PTPRU: variants seen among roughly 807,000 people sequenced by gnomAD.
PTPRU encodes protein tyrosine phosphatase receptor type U.
PTPRU carries 69 observed loss-of-function variants against 166.3 expected under a neutral mutation model. That is an observed-to-expected ratio of 0.41 (90% CI 0.34 to 0.51). The LOEUF (loss-of-function observed/expected upper bound fraction) is 0.51, where lower values mean the gene tolerates loss of function less well. Ranked by LOEUF, PTPRU falls within the 20% of genes least tolerant of loss-of-function variation. The probability of loss-of-function intolerance (pLI) is 0.09; values close to 1 mark genes in which losing one functional copy is unlikely to be tolerated. For missense variants in PTPRU, 1,657 were observed against 2,013.7 expected, an observed-to-expected ratio of 0.82 and a Z score of 3.39; for synonymous variants, 793 against 814.0, an observed-to-expected ratio of 0.97 and a Z score of 0.44.
At chr1:29,286,893 C>T (rs1557451106) in intron 14 of PTPRU, among the ~76,000 whole-genome samples, 1 of 152,202 alleles carries the variant, frequency 6.6e-6, no homozygotes, top group Non-Finnish European at 1.5e-5. Context: ...CTTACTTCCT[C>T]TAAAAGCCAT....
chr1:29,305,188 G>A (rs1687329839), intron 17 of PTPRU, among the ~76,000 whole-genome samples, 164 bp from the exon 18 acceptor site: 2 of 152,272 alleles, frequency 1.3e-5, no homozygotes, highest in South Asian at 4.1e-4. Context: ...CCCCTGGTGT[G>A]TCCTGCCTCC....
chr1:29,307,897 A>G (rs1482846269), intron 18 of PTPRU, among the ~76,000 whole-genome samples: 1 of 151,670 alleles, frequency 6.6e-6, no homozygotes, highest in Non-Finnish European at 1.5e-5. Flanking sequence ...AGTAGCTGGA[A>G]TTACAGGCAT....
In PTPRU at chr1:29,284,752, G is replaced by A. The variant is rs752250395; in HGVS notation, c.2201G>A (p.Arg734Gln). 6 of 1,613,936 alleles carry A rather than the reference G, an allele frequency of 3.7e-6. No homozygotes were observed. The Admixed American group carries it at 8.3e-5, about 22-fold the overall frequency. ...ARKAACKESK[R>Q]PLEVSQRSEE... is the part of the protein sequence containing the mutation. The stretch of plus-strand genomic sequence containing the variant: ...CCAGCTGCCTGCAAGGAAAGCAAGC[G>A]GCCCCTGGAGGTGTCCCAGAGATCG... Residue 734 changes from arginine to glutamine, a missense_variant, in exon 14 of 30, where the codon CGG becomes CAG. Transcript: ENST00000373779.
intron 18 of PTPRU, among the ~76,000 whole-genome samples, chr1:29,305,981 G>A (rs564197540): frequency 6.6e-6 from 1 of 152,324 alleles, no homozygotes; most frequent in East Asian, 1.9e-4. Flanking sequence ...CCCACCCTTT[G>A]AGGCAGTTAG....
intron 7 of PTPRU, among the ~76,000 whole-genome samples, chr1:29,268,678 C>T (rs933421362): frequency 6.6e-5 from 10 of 152,212 alleles, no homozygotes; most frequent in Non-Finnish European, 1.5e-4. Context: ...TAGCGCTTAA[C>T]ACACAGTAAG....
At chr1:29,301,535 C>T (rs561780116) in intron 15 of PTPRU, among the ~76,000 whole-genome samples, 6 of 152,238 alleles carry the variant, frequency 3.9e-5, no homozygotes, top group South Asian at 2.1e-4. Context: ...GTAAAACAGC[C>T]TCTGGCAGGT....
chr1:29,260,074 G>C lies in PTPRU; in HGVS notation c.850+30G>C. ...GCTGGTGGACGCCGGGGAGCGCCGG[G>C]ACCTCACCCTCGAGGGGCGGGGCCG... On this transcript the variant is annotated intron_variant, in intron 6 of 29. Coordinates refer to ENST00000373779, the MANE Select transcript of PTPRU (RefSeq NM_133178.4). This position sits in a 1 kb window ranked among gnomAD's most constrained non-coding sequence, Gnocchi z 8.3. 4 of 1,275,462 alleles carry C rather than the reference G, an allele frequency of 3.1e-6. No individual in the cohort carries two copies. The African/African-American group carries it at 4.8e-5, about 15-fold the overall frequency. The allele number at this position is 1,275,462 out of a possible 1,614,324, so 79.0% of individuals were successfully genotyped here.
At position 29,293,041 on chromosome 1, in the gene PTPRU, G is replaced by T. The variant is rs548530703; in HGVS notation, c.2476+1015G>T. 7.9e-5 allele frequency among the ~76,000 whole-genome samples: 12 copies of T among 151,960 alleles called. No individual in the cohort carries two copies. In the East Asian group the frequency reaches 1.6e-3, roughly 20 times the overall value. ...GTTGCCCAGGCTGGAGTGCAGTGGT[G>T]TGATCTTGGCTCACTGTAACCTCTG... On this transcript the variant is annotated intron_variant, in intron 15 of 29. Coordinates refer to ENST00000373779, the MANE Select transcript of PTPRU (RefSeq NM_133178.4).
chr1:29,323,622 T>C lies in PTPRU; in HGVS notation c.3955-9T>C, dbSNP rs1688265773. ...CATGTCCTCCCTGGCTGGCTGCCCC[T>C]GTCCCCAGTTGCAGGAGGGGCACCT... On this transcript the variant is annotated splice_polypyrimidine_tract_variant and intron_variant, in intron 27 of 29. Coordinates refer to ENST00000373779, the MANE Select transcript of PTPRU (RefSeq NM_133178.4). 2.5e-6 allele frequency: 4 copies of C among 1,613,862 alleles called. No individual in the cohort carries two copies. Among genetic ancestry groups the C allele is most frequent in the African/African-American group, 1.3e-5 (1 of 75,028 alleles).
rs1411396771 is a variant in PTPRU at position 29,317,417 on chromosome 1, A to G, written c.3514-331A>G. On this transcript the variant is annotated intron_variant, in intron 24 of 29. Transcript: ENST00000373779. The surrounding 1 kb of genome is among the most constrained non-coding windows in gnomAD (Gnocchi z 5.6). ...CGAGCTCAGCCCAGTGCTTGTCATG[A>G]TCTCACTTTGGCCTCCCAGCAGCCC... 6.6e-6 allele frequency among the ~76,000 whole-genome samples: 1 copy of G among 152,026 alleles called. No homozygotes were observed. Among genetic ancestry groups the G allele is most frequent in the Non-Finnish European group, 1.5e-5 (1 of 68,006 alleles).
At chr1:29,282,623 C>T in intron 11 of PTPRU, 53 bp from the exon 12 acceptor site, 1 of 1,559,382 alleles carries the variant, frequency 6.4e-7, no homozygotes, top group Non-Finnish European at 8.7e-7. Flanking sequence ...CCAGCTGGCT[C>T]TCCCAGTCCT....
chr1:29,239,328 G>C (rs1683932189), intron 1 of PTPRU, among the ~76,000 whole-genome samples: 1 of 152,206 alleles, frequency 6.6e-6, no homozygotes, highest in South Asian at 2.1e-4. Context: ...TTATTCTGCT[G>C]TGTTCTTGCT....
chr1:29,258,257 G>A (rs1270212167), intron 2 of PTPRU, among the ~76,000 whole-genome samples: 2 of 152,202 alleles, frequency 1.3e-5, no homozygotes, highest in African/African-American at 4.8e-5. Flanking sequence ...GAGCCACCGC[G>A]CCCAGCCTTT....
rs1685006860 is a variant in PTPRU, at chr1:29,260,505, C to T, written c.851-105C>T. ...GAGGGCTTGGTAGCAGCGTGAGAGG[C>T]CCTAGGAGGACGGAGAGGGATTTGG... is the stretch of plus-strand genomic sequence containing the variant. On this transcript the variant is annotated intron_variant, in intron 6 of 29. Transcript: ENST00000373779. This position sits in a 1 kb window ranked among gnomAD's most constrained non-coding sequence, Gnocchi z 8.3. 3 of 874,474 alleles carry T rather than the reference C, an allele frequency of 3.4e-6. No individual in the cohort carries two copies. In the East Asian group the frequency reaches 9.4e-5, roughly 27 times the overall value. 54.2% of individuals were successfully genotyped at this position (874,474 alleles called of 1,614,324 possible).
At position 29,236,844 on chromosome 1, in the gene PTPRU, T is replaced by A; in HGVS notation, c.73+127T>A. On this transcript the variant is annotated intron_variant, in intron 1 of 29. Coordinates refer to ENST00000373779, the MANE Select transcript of PTPRU (RefSeq NM_133178.4). This position sits in a 1 kb window ranked among gnomAD's most constrained non-coding sequence, Gnocchi z 4.6. ...CGTGCTCCCTGTGTGTGTCTGAGCG[T>A]AGGATGGGCGATTGTGTGCCCGGGG... The A allele has an allele frequency of 1.1e-6, 1 of 920,894 alleles. No homozygotes were observed. The highest frequency in any genetic ancestry group is 1.4e-6 in the Non-Finnish European group (1 of 697,692). The allele number at this position is 920,894 out of a possible 1,614,324, so 57.0% of individuals were successfully genotyped here.
At position 29,325,998 on chromosome 1, in the gene PTPRU, G is replaced by A; in HGVS notation, c.*337G>A. On this transcript the variant is annotated 3_prime_UTR_variant, in exon 30 of 30. Transcript: ENST00000373779. ...CTGGGGGACTCAGGCCAAGCCCCTT[G>A]GCACCATCCTGGCTTTTGGCAGGGA... 2.3e-6 allele frequency: 1 copy of A among 426,490 alleles called. No homozygotes were observed. The highest frequency in any genetic ancestry group is 4.1e-6 in the Non-Finnish European group (1 of 244,736). The allele number at this position is 426,490 out of a possible 1,614,324, so 26.4% of individuals were successfully genotyped here.
intron 2 of PTPRU, among the ~76,000 whole-genome samples, chr1:29,256,619 C>A (rs1684784537): frequency 6.6e-6 from 1 of 152,246 alleles, no homozygotes; most frequent in Non-Finnish European, 1.5e-5. Flanking sequence ...TTTGCTCACA[C>A]TGTGCCCTTC....
At chr1:29,284,642 A>G in intron 13 of PTPRU, 89 bp from the exon 14 acceptor site, 1 of 1,586,122 alleles carries the variant, frequency 6.3e-7, no homozygotes, top group South Asian at 1.1e-5. Context: ...TGTGCAGCCC[A>G]GTTTGTTCCT....
rs1439512067 is a variant in PTPRU, at chr1:29,317,684, G to A, written c.3514-64G>A. ...GTAACTCAGTCCAGCCTCCTTCATG[G>A]GGATGTGAGGAGGCCCAGCAAGCCC... On this transcript the variant is annotated intron_variant, in intron 24 of 29. Coordinates refer to ENST00000373779, the MANE Select transcript of PTPRU (RefSeq NM_133178.4). This position sits in a 1 kb window ranked among gnomAD's most constrained non-coding sequence, Gnocchi z 5.6. 9 of 1,473,852 alleles carry A rather than the reference G, an allele frequency of 6.1e-6. No individual in the cohort carries two copies. Among genetic ancestry groups the A allele is most frequent in the Non-Finnish European group, 8.3e-6 (9 of 1,090,198 alleles). The allele number at this position is 1,473,852 out of a possible 1,614,324, so 91.3% of individuals were successfully genotyped here.
Sources: allele counts gnomAD v4.1 joint callset (sites outside exome capture counted in the v4.1 genomes callset), GRCh38; gene constraint gnomAD v4.1.1; non-coding constraint Gnocchi (gnomAD v3.1); transcripts MANE v1.5; gene names NCBI Gene and HGNC (gene_info 2026-07-23, HGNC 2026-07-21).